The following GPR176 variants were observed in gnomAD, a reference collection of about 807,000 sequenced individuals.
The protein encoded by GPR176 is G-protein coupled receptor 176.
Under a neutral mutation model 35.4 loss-of-function variants are expected in GPR176, and 26 were observed. The ratio of observed to expected loss-of-function variants is 0.74; its 90% CI spans 0.54 to 1.02. The LOEUF (loss-of-function observed/expected upper bound fraction) is 1.02. Ranked by LOEUF, GPR176 falls within the 50% of genes least tolerant of loss-of-function variation. The pLI is 0.00. For synonymous variants in GPR176, 278 were observed against 271.3 expected, an observed-to-expected ratio of 1.02 and a Z score of -0.24; for missense variants, 597 against 665.3, an observed-to-expected ratio of 0.90 and a Z score of 1.13.
chr15:39,824,124 CT>C (rs1900468553), intron 1 of GPR176, among the ~76,000 whole-genome samples: 1 of 152,168 alleles, frequency 6.6e-6, no homozygotes. Flanking sequence ...GAGCCTGGCA[CT>C]TCCTTCTCTC....
intron 1 of GPR176, among the ~76,000 whole-genome samples, chr15:39,829,589 C>CTGTTATGAAACACTTA (rs1900923444): frequency 6.6e-6 from 1 of 151,954 alleles, no homozygotes; most frequent in African/African-American, 2.4e-5. Context: ...ACTACTTTCT[C>CTGTTATGAAACACTTA]TGTTATAAAC....
chr15:39,919,839 C>A lies in GPR176; in HGVS notation c.172+16G>T. 1 of 1,390,200 alleles carries A rather than the reference C, an allele frequency of 7.2e-7. No homozygotes were observed. Among genetic ancestry groups the A allele is most frequent in the Non-Finnish European group, 9.4e-7 (1 of 1,066,882 alleles). The allele number at this position is 1,390,200 out of a possible 1,614,324, so 86.1% of individuals were successfully genotyped here. Reference sequence around the variant, plus strand: ...TCGGGGAGGCCCGGTCCGGAGGCGCCCCGCGGGAGGCTTACCGAGCAGCGA... The same window carrying A: ...TCGGGGAGGCCCGGTCCGGAGGCGCACCGCGGGAGGCTTACCGAGCAGCGA... On this transcript the variant is annotated intron_variant, in intron 1 of 2. Coordinates refer to ENST00000561100, the MANE Select transcript of GPR176 (RefSeq NM_007223.3).
Position 39,911,048 on chromosome 15 carries a change from TAAATA to T in GPR176, c.172+8802_172+8806del, listed in dbSNP as rs10639301. Among the ~76,000 whole-genome samples the T allele has an allele frequency of 1.5e-3, 224 of 151,350 alleles. No individual in the cohort carries two copies. In the Middle Eastern group the frequency reaches 0.027, roughly 18 times the overall value. On this transcript the variant is annotated intron_variant, in intron 1 of 2. Coordinates refer to ENST00000561100, the MANE Select transcript of GPR176 (RefSeq NM_007223.3). ...GAGACTCTGTATCAAAAAAATAAAA[TAAATA>T]AAATAAAATAAAATAAAATAATATA...
Position 39,807,155 on chromosome 15 carries a change from C to G in GPR176, c.276G>C (p.Leu92=), listed in dbSNP as rs1334683478. Residue 92 remains leucine, a synonymous_variant, in exon 2 of 3, where the codon CTG becomes CTC. Coordinates refer to ENST00000561100, the MANE Select transcript of GPR176 (RefSeq NM_007223.3). The part of the protein sequence containing the change: ...NLACSGICAS[L]VCVPFDIILS... ...GGATGATGTCGAAGGGCACACAGAC[C>G]AGGCTGGCACAAATCCCCGAGCAGG... 1 of 1,613,872 alleles carries G rather than the reference C, an allele frequency of 6.2e-7. No individual in the cohort carries two copies. Among genetic ancestry groups the G allele is most frequent in the African/African-American group, 1.3e-5 (1 of 74,992 alleles).
intron 1 of GPR176, among the ~76,000 whole-genome samples, chr15:39,885,976 G>A (rs1198445628): frequency 6.6e-6 from 1 of 152,174 alleles, no homozygotes; most frequent in Non-Finnish European, 1.5e-5. Flanking sequence ...GCTCATGCCT[G>A]TAATCCCAAC....
intron 1 of GPR176, among the ~76,000 whole-genome samples, chr15:39,859,584 C>A (rs2031463947): frequency 6.6e-6 from 1 of 151,696 alleles, no homozygotes; most frequent in African/African-American, 2.4e-5. Flanking sequence ...TAAAATGGTG[C>A]AAGCTGCTAT....
At chr15:39,845,096 A>G (rs559858260) in intron 1 of GPR176, among the ~76,000 whole-genome samples, 12 of 152,118 alleles carry the variant, frequency 7.9e-5, no homozygotes, top group Non-Finnish European at 1.5e-4. Flanking sequence ...TCAGAGGAGG[A>G]AGAAGAATTC....
rs148297645 is a variant in GPR176, at chr15:39,898,462, C to T, written c.172+21393G>A. Among the ~76,000 whole-genome samples the T allele has an allele frequency of 2.7e-3, 404 of 152,162 alleles. 5 individuals carry two copies. Among genetic ancestry groups the T allele is most frequent in the East Asian group, 0.023 (117 of 5,180 alleles). On this transcript the variant is annotated intron_variant, in intron 1 of 2. Coordinates refer to ENST00000561100, the MANE Select transcript of GPR176 (RefSeq NM_007223.3). ...ATAAGCAAAGAAAGGAACTTAGGTT[C>T]CTAAGCAAAGACAGAGAGTGAAAGG... is the stretch of plus-strand genomic sequence containing the variant.
intron 1 of GPR176, among the ~76,000 whole-genome samples, chr15:39,919,021 A>G (rs1349009250): frequency 6.6e-6 from 1 of 152,238 alleles, no homozygotes; most frequent in Admixed American, 6.5e-5. Flanking sequence ...TGTTCAACAG[A>G]CCTTAATAGA....
intron 1 of GPR176, among the ~76,000 whole-genome samples, chr15:39,910,711 T>C (rs2033555590): frequency 6.6e-6 from 1 of 151,932 alleles, no homozygotes; most frequent in South Asian, 2.1e-4. Context: ...AGGAGAGGAA[T>C]AGGGGAGATT....
intron 1 of GPR176, among the ~76,000 whole-genome samples, chr15:39,844,092 A>C (rs180852725): frequency 1.1e-3 from 168 of 152,310 alleles, no homozygotes; most frequent in African/African-American, 4.0e-3. Flanking sequence ...AAAACTCTTC[A>C]AAGTCCCAAA....
At chr15:39,893,758 C>A (rs1268638181) in intron 1 of GPR176, among the ~76,000 whole-genome samples, 1 of 133,456 alleles carries the variant, frequency 7.5e-6, no homozygotes, top group South Asian at 2.4e-4. Flanking sequence ...CCCTCCCGGG[C>A]GGGGCGGCTG....
At chr15:39,817,427 A>G (rs1325927649) in intron 1 of GPR176, among the ~76,000 whole-genome samples, 1 of 152,244 alleles carries the variant, frequency 6.6e-6, no homozygotes, top group Non-Finnish European at 1.5e-5. Context: ...GAAGAATAGC[A>G]GAGGTACAAA....
chr15:39,914,978 C>G (rs1378801442), intron 1 of GPR176, among the ~76,000 whole-genome samples: 1 of 152,220 alleles, frequency 6.6e-6, no homozygotes, highest in East Asian at 1.9e-4. Context: ...TCCAACAGAT[C>G]TGCTGAACAG....
chr15:39,804,349 G>C (rs1207889983), intron 2 of GPR176, among the ~76,000 whole-genome samples: 2 of 152,170 alleles, frequency 1.3e-5, no homozygotes, highest in East Asian at 3.8e-4. Context: ...TGTACATGTG[G>C]ATGCTTGTAA....
At chr15:39,835,562 C>T (rs1273170923) in intron 1 of GPR176, among the ~76,000 whole-genome samples, 1 of 152,038 alleles carries the variant, frequency 6.6e-6, no homozygotes. Flanking sequence ...TCCACCATCC[C>T]GAATACTGGG....
At chr15:39,910,663 C>T (rs2033554408) in intron 1 of GPR176, among the ~76,000 whole-genome samples, 1 of 152,076 alleles carries the variant, frequency 6.6e-6, no homozygotes, top group Non-Finnish European at 1.5e-5. Flanking sequence ...AATTCAGCAC[C>T]GTGACTAGCT....
rs1192933475 is a variant in GPR176 at position 39,801,074 on chromosome 15, C to T, written c.*58G>A. 12 of 1,449,752 alleles carry T rather than the reference C, an allele frequency of 8.3e-6. No homozygotes were observed. Among genetic ancestry groups the T allele is most frequent in the Non-Finnish European group, 1.1e-5 (12 of 1,063,532 alleles). The allele number at this position is 1,449,752 out of a possible 1,614,324, so 89.8% of individuals were successfully genotyped here. ...ATACAATCACATGGCCACAGCATTC[C>T]CACACTCTGGTGGGAATATGGAAGC... On this transcript the variant is annotated 3_prime_UTR_variant, in exon 3 of 3. Coordinates refer to ENST00000561100, the MANE Select transcript of GPR176 (RefSeq NM_007223.3).
rs2033834063 is a variant in GPR176, at chr15:39,919,969, C to T, written c.58G>A (p.Gly20Ser). The part of the protein sequence containing the change: ...PNASEPHNAS[G>S]AEAAGVNRSA... ...CGGTTCACACCCGCAGCCTCGGCGC[C>T]GGACGCGTTGTGCGGCTCGCTGGCA... The change falls in exon 1 of 3, where the codon GGC becomes AGC. Residue 20 changes from glycine (G) to serine (S), a missense_variant. This residue lies in a region of GPR176 where 126 missense variants were observed against 112.4 expected (regional missense o/e 1.12). Transcript: ENST00000561100. 6.8e-7 allele frequency: 1 copy of T among 1,478,934 alleles called. No homozygotes were observed. Among genetic ancestry groups the T allele is most frequent in the Admixed American group, 2.5e-5 (1 of 39,258 alleles). 91.6% of individuals were successfully genotyped at this position (1,478,934 alleles called of 1,614,324 possible).
Sources: gnomAD v4.1 joint callset for allele counts (sites outside exome capture counted in the v4.1 genomes callset) on GRCh38, gnomAD v4.1.1 for gene constraint, gnomAD v4.1.1 regional missense constraint, MANE v1.5 for transcripts, NCBI Gene and HGNC (gene_info 2026-07-23, HGNC 2026-07-21) for gene names.